Variants in USP10 observed in about 807,000 individuals in gnomAD.
USP10 encodes ubiquitin specific peptidase 10.
A neutral mutation model predicts 84.5 loss-of-function variants in USP10; 22 were observed. The ratio of observed to expected loss-of-function variants is 0.26; its 90% CI spans 0.19 to 0.37. The LOEUF is 0.37. Among genes scored for constraint, USP10 ranks in the 10% least tolerant of loss-of-function variants. The pLI is 1.00. For synonymous variants in USP10, 454 were observed against 387.6 expected (o/e 1.17, Z -2.01); for missense variants, 1,019 against 998.9 (o/e 1.02, Z -0.27).
chr16:84,701,488 A>G (rs981942392), intron 1 of USP10, among the ~76,000 whole-genome samples: 98 of 152,270 alleles, frequency 6.4e-4, no homozygotes, highest in African/African-American at 2.3e-3. Flanking sequence ...AAAAAAAAAG[A>G]TTTGATATTT....
chr16:84,712,164 G>T (rs1433932403), intron 1 of USP10, among the ~76,000 whole-genome samples: 1 of 152,194 alleles, frequency 6.6e-6, no homozygotes, highest in Non-Finnish European at 1.5e-5. Context: ...GCAGTATTTT[G>T]TGTGTATGGC....
At chr16:84,754,597 A>G (rs938887255) in intron 4 of USP10, among the ~76,000 whole-genome samples, 26 of 152,212 alleles carry the variant, frequency 1.7e-4, no homozygotes, top group African/African-American at 6.3e-4. Flanking sequence ...AATACTGTGC[A>G]AGAAAAACTG....
At chr16:84,751,318 G>T (rs557123788) in intron 4 of USP10, among the ~76,000 whole-genome samples, 4 of 152,228 alleles carry the variant, frequency 2.6e-5, no homozygotes, top group African/African-American at 9.6e-5. Flanking sequence ...AAGCATGGCT[G>T]TGTATCCTAA....
intron 1 of USP10, among the ~76,000 whole-genome samples, 197 bp downstream of exon 1, chr16:84,700,308 G>A (rs1205910596): frequency 6.6e-6 from 1 of 151,952 alleles, no homozygotes; most frequent in Non-Finnish European, 1.5e-5. Context: ...TGAGCCACCC[G>A]GACCCCCTAG....
At chr16:84,710,770 C>T (rs774174565) in intron 1 of USP10, among the ~76,000 whole-genome samples, 9 of 152,288 alleles carry the variant, frequency 5.9e-5, no homozygotes, top group Middle Eastern at 6.8e-3. Flanking sequence ...CCAGAATCAC[C>T]TGGCACCCTG....
Position 84,775,215 on chromosome 16 carries a change from G to T in USP10, c.2199G>T (p.Arg733=), listed in dbSNP as rs1314884861. Residue 733 remains arginine, a synonymous_variant, in exon 13 of 14, where the codon CGG becomes CGT. Coordinates refer to ENST00000219473, the MANE Select transcript of USP10 (RefSeq NM_005153.3). Reference sequence around the variant, plus strand: ...ATTTTAAATGCCACCGAACCTATCGGCTCTTTGCAGGTGAGTAAATTTGTA... The same window carrying T: ...ATTTTAAATGCCACCGAACCTATCGTCTCTTTGCAGGTGAGTAAATTTGTA... The part of the protein sequence containing the change: ...NKNFKCHRTY[R]LFAVVYHHGN... The T allele has an allele frequency of 6.2e-7, 1 of 1,613,584 alleles. No homozygotes were observed. The highest frequency in any genetic ancestry group is 1.7e-5 in the Admixed American group (1 of 60,018).
Position 84,756,227 on chromosome 16 carries a change from C to G in USP10, c.1193-2489C>G, listed in dbSNP as rs547273433. On this transcript the variant is annotated intron_variant, in intron 4 of 13. Coordinates refer to ENST00000219473, the MANE Select transcript of USP10 (RefSeq NM_005153.3). ...GACCACCTTGCATTCATCTCTGTGC[C>G]TTCCTTACCCGGTGCCTAGGCAGGG... Among the ~76,000 whole-genome samples the G allele has an allele frequency of 2.6e-5, 4 of 152,340 alleles. No individual in the cohort carries two copies. The South Asian group carries it at 6.2e-4, about 24-fold the overall frequency.
chr16:84,726,474 C>T (rs947271459), intron 1 of USP10, among the ~76,000 whole-genome samples: 1 of 152,348 alleles, frequency 6.6e-6, no homozygotes, highest in East Asian at 1.9e-4. Flanking sequence ...ACTCAGGCCC[C>T]CTGAGGGCCG....
At chr16:84,754,737 T>C (rs1460808830) in intron 4 of USP10, among the ~76,000 whole-genome samples, 2 of 152,220 alleles carry the variant, frequency 1.3e-5, no homozygotes, top group African/African-American at 4.8e-5. Context: ...AAATAAATGC[T>C]GGGAAAAAAG....
chr16:84,777,916 T>G (rs755901509), intron 13 of USP10, among the ~76,000 whole-genome samples: 3 of 152,232 alleles, frequency 2.0e-5, no homozygotes, highest in African/African-American at 4.8e-5. Flanking sequence ...GACAGCCGCC[T>G]TCCCGAGGCT....
In USP10 at chr16:84,769,722, G is replaced by A. The variant is rs187942126; in HGVS notation, c.1998+1364G>A. 1.2e-3 allele frequency among the ~76,000 whole-genome samples: 183 copies of A among 152,298 alleles called. 1 individual carries two copies. The highest frequency in any genetic ancestry group is 4.0e-3 in the African/African-American group (166 of 41,554). ...GAGTCTTTGGCCACCCATGCTGTTG[G>A]GGAGGTGGTCAGCCTTTCCATGGGC... On this transcript the variant is annotated intron_variant, in intron 11 of 13. Coordinates refer to ENST00000219473, the MANE Select transcript of USP10 (RefSeq NM_005153.3).
chr16:84,752,816 G>C (rs1168793749), intron 4 of USP10, among the ~76,000 whole-genome samples: 1 of 152,194 alleles, frequency 6.6e-6, no homozygotes, highest in Non-Finnish European at 1.5e-5. Flanking sequence ...AGTCAGGATG[G>C]AAGGCTTAGT....
intron 1 of USP10, among the ~76,000 whole-genome samples, chr16:84,703,547 T>C (rs1905143298): frequency 6.6e-6 from 1 of 152,262 alleles, no homozygotes; most frequent in African/African-American, 2.4e-5. Context: ...GGATTAGTGT[T>C]AATTCTTAAA....
intron 1 of USP10, among the ~76,000 whole-genome samples, chr16:84,730,517 A>G (rs923203838): frequency 1.3e-5 from 2 of 152,236 alleles, no homozygotes; most frequent in African/African-American, 4.8e-5. Context: ...TTTGAAAATA[A>G]TAGGAGAAAA....
intron 4 of USP10, among the ~76,000 whole-genome samples, chr16:84,749,269 C>A (rs1474250744): frequency 6.6e-6 from 1 of 152,186 alleles, no homozygotes; most frequent in Non-Finnish European, 1.5e-5. Flanking sequence ...CTTTAGTGGG[C>A]ACACTTTTAA....
In USP10 at chr16:84,744,810, A is replaced by G. The variant is rs1453796683; in HGVS notation, c.329A>G (p.Tyr110Cys). 8.7e-6 allele frequency: 14 copies of G among 1,613,624 alleles called. No homozygotes were observed. The highest frequency in any genetic ancestry group is 5.5e-5 in the South Asian group (5 of 91,068). The change falls in exon 4 of 14, where the codon TAT becomes TGT. Residue 110 changes from tyrosine (Y) to cysteine (C), a missense_variant. Around this residue, in one of 2 missense-constraint regions of USP10, gnomAD observed 787 missense variants for 708.8 expected, o/e 1.11. Transcript: ENST00000219473. ...TPDGITKEAS[Y>C]GSIDCQYPGS... The stretch of plus-strand genomic sequence containing the variant: ...GATGGTATCACTAAAGAAGCAAGCT[A>G]TGGCTCCATCGACTGCCAGTACCCA...
intron 1 of USP10, chr16:84,716,469 C>T (rs767628382): frequency 2.6e-5 from 4 of 151,980 alleles, no homozygotes; most frequent in African/African-American, 4.8e-5. Flanking sequence ...CTTCAGTGGA[C>T]GAAATACAGA....
At chr16:84,726,321 A>G (rs1206459590) in intron 1 of USP10, among the ~76,000 whole-genome samples, 1 of 152,260 alleles carries the variant, frequency 6.6e-6, no homozygotes, top group Admixed American at 6.5e-5. Flanking sequence ...GCAAGTGAAC[A>G]TTAGACATCT....
intron 4 of USP10, among the ~76,000 whole-genome samples, chr16:84,752,362 A>G (rs1279711746): frequency 1.3e-5 from 2 of 152,230 alleles, no homozygotes; most frequent in African/African-American, 4.8e-5. Context: ...CTTCTATTAT[A>G]TGCCCTTAAA....
Sources: gnomAD v4.1 joint callset for allele counts (sites outside exome capture counted in the v4.1 genomes callset) on GRCh38, gnomAD v4.1.1 for gene constraint, gnomAD v4.1.1 regional missense constraint, MANE v1.5 for transcripts, NCBI Gene and HGNC (gene_info 2026-07-23, HGNC 2026-07-21) for gene names.